The following PRG4 variants were observed in gnomAD, a reference collection of about 807,000 sequenced individuals.
The protein encoded by PRG4 is articular superficial zone protein.
In PRG4, 61 loss-of-function variants were observed where a neutral mutation model predicts 91.2. That is an observed-to-expected ratio of 0.67 (90% CI 0.54 to 0.83). PRG4 has a LOEUF of 0.83. Ranked by LOEUF, PRG4 falls within the 40% of genes least tolerant of loss-of-function variation. The pLI is 0.00. For synonymous variants in PRG4, 576 were observed against 614.2 expected (o/e 0.94, Z 0.92); for missense variants, 1,564 against 1,714.2 (o/e 0.91, Z 1.55).
In PRG4 at chr1:186,297,961, C is replaced by T. The variant is rs560656990; in HGVS notation, c.76+1010C>T. Among the ~76,000 whole-genome samples the T allele has an allele frequency of 1.4e-4, 21 of 152,322 alleles. No homozygotes were observed. In the South Asian group the frequency reaches 2.5e-3, roughly 18 times the overall value. ...GTATCTCCAGACCCTTCGGCTTTCT[C>T]GTAACACTATGACAAGGTTCACAAC... On this transcript the variant is annotated intron_variant, in intron 2 of 12. Coordinates refer to ENST00000445192, the MANE Select transcript of PRG4 (RefSeq NM_005807.6).
rs1462976525 is a variant in PRG4, at chr1:186,308,970, A to G, written c.3251A>G (p.Asn1084Ser). The G allele has an allele frequency of 6.2e-7, 1 of 1,606,646 alleles. No individual in the cohort carries two copies. The highest frequency in any genetic ancestry group is 1.7e-5 in the Admixed American group (1 of 58,762). ...QTTTRPNQTP[N>S]SKLVEVNPKS... is the part of the protein sequence containing the mutation. Reference sequence around the variant, plus strand: ...ACCACCAGACCTAACCAAACTCCAAACTCCAAACTAGTTGAAGTAAATCCA... The same window carrying G: ...ACCACCAGACCTAACCAAACTCCAAGCTCCAAACTAGTTGAAGTAAATCCA... The change falls in exon 7 of 13, where the codon AAC becomes AGC. Residue 1084 changes from asparagine (N) to serine (S), a missense_variant. Physicochemically the swap from Asn to Ser is conservative, Grantham distance 46. Around this residue, in one of 3 missense-constraint regions of PRG4, gnomAD observed 1,079 missense variants for 1,162.2 expected, o/e 0.93. Transcript: ENST00000445192.
chr1:186,300,130 C>G lies in PRG4; in HGVS notation c.116C>G (p.Ser39Cys). 6.2e-7 allele frequency: 1 copy of G among 1,613,910 alleles called. No homozygotes were observed. The highest frequency in any genetic ancestry group is 8.5e-7 in the Non-Finnish European group (1 of 1,179,780). The change falls in exon 3 of 13, where the codon TCT (serine) becomes TGT (cysteine). Residue 39 changes from serine (S) to cysteine (C), a missense_variant. Ser to Cys is a moderately radical substitution (Grantham distance 112). This residue lies in a region of PRG4 where 437 missense variants were observed against 459.0 expected (regional missense o/e 0.95). Transcript: ENST00000445192. ...GCAGGGAGATGTGGGGAAGGGTATT[C>G]TAGAGATGCCACCTGCAACTGTGAT... ...SCAGRCGEGY[S>C]RDATCNCDYN...
chr1:186,306,324 A>T lies in PRG4; in HGVS notation c.605A>T (p.Asp202Val), dbSNP rs767961321. The T allele has an allele frequency of 4.4e-6, 7 of 1,584,166 alleles. No homozygotes were observed. The highest frequency in any genetic ancestry group is 5.1e-6 in the Non-Finnish European group (6 of 1,168,372). ...ATGTATATTTTTTCTCCAGTAAAAG[A>T]TAACAAGAAGAACAGAACTAAAAAG... is the stretch of plus-strand genomic sequence containing the variant. Reference protein sequence around the residue: ...RELQKKLKVKDNKKNRTKKKP... With the variant: ...RELQKKLKVKVNKKNRTKKKP... Residue 202 changes from aspartate to valine, a missense_variant, in exon 7 of 13, where the codon GAT (aspartate) becomes GTT (valine). Physicochemically the swap from Asp to Val is radical, Grantham distance 152 (BLOSUM62 -3). Around this residue, in one of 3 missense-constraint regions of PRG4, gnomAD observed 437 missense variants for 459.0 expected, o/e 0.95. Coordinates refer to ENST00000445192, the MANE Select transcript of PRG4 (RefSeq NM_005807.6).
intron 4 of PRG4, among the ~76,000 whole-genome samples, chr1:186,302,913 C>T (rs780331662): frequency 3.3e-5 from 5 of 151,864 alleles, no homozygotes; most frequent in South Asian, 2.1e-4. Context: ...GGTCAGATTA[C>T]CTAAAGTTTA....
chr1:186,308,313 A>G lies in PRG4; in HGVS notation c.2594A>G (p.Glu865Gly). The change falls in exon 7 of 13, where the codon GAG (glutamate) becomes GGG (glycine). Residue 865 changes from glutamate to glycine, a missense_variant. Physicochemically the swap from Glu to Gly is moderately conservative, Grantham distance 98. Transcript: ENST00000445192. ...SEVSTPTTTK[E>G]PTTIHKSPDE... ...GTCTCTACTCCAACTACCACCAAGG[A>G]GCCTACCACTATCCACAAAAGCCCT... 6.2e-7 allele frequency: 1 copy of G among 1,614,014 alleles called. No homozygotes were observed. The highest frequency in any genetic ancestry group is 1.6e-4 in the Middle Eastern group (1 of 6,062).
In PRG4 at chr1:186,308,437, G is replaced by T; in HGVS notation, c.2718G>T (p.Ala906=). Residue 906 remains alanine (A), a synonymous_variant, in exon 7 of 13, where the codon GCG becomes GCT. Transcript: ENST00000445192. ...TACCTACAACTAAGACTCCTGCAGC[G>T]ACTAAACCTGAAATGACTACAACAG... ...PGVPTTKTPA[A]TKPEMTTTAK... 1 of 1,613,876 alleles carries T rather than the reference G, an allele frequency of 6.2e-7. No individual in the cohort carries two copies. The highest frequency in any genetic ancestry group is 8.5e-7 in the Non-Finnish European group (1 of 1,180,026).
rs747996260 is a variant in PRG4 at position 186,308,297 on chromosome 1, C to A, written c.2578C>A (p.Pro860Thr). ...PPPTTSEVST[P>T]TTTKEPTTIH... ...TCCAACCACTTCAGAGGTCTCTACT[C>A]CAACTACCACCAAGGAGCCTACCAC... The change falls in exon 7 of 13, where the codon CCA becomes ACA. Residue 860 changes from proline (P) to threonine (T), a missense_variant. Pro to Thr is a conservative substitution (Grantham distance 38). Transcript: ENST00000445192. 3 of 1,614,000 alleles carry A rather than the reference C, an allele frequency of 1.9e-6. No homozygotes were observed. The highest frequency in any genetic ancestry group is 2.5e-6 in the Non-Finnish European group (3 of 1,180,026).
Position 186,308,349 on chromosome 1 carries a change from C to A in PRG4, c.2630C>A (p.Thr877Asn). Residue 877 changes from threonine to asparagine, a missense_variant, in exon 7 of 13, where the codon ACT becomes AAT. Coordinates refer to ENST00000445192, the MANE Select transcript of PRG4 (RefSeq NM_005807.6). Reference sequence around the variant, plus strand: ...ATCCACAAAAGCCCTGATGAATCAACTCCTGAGCTTTCTGCAGAACCCACA... The same window carrying A: ...ATCCACAAAAGCCCTGATGAATCAAATCCTGAGCTTTCTGCAGAACCCACA... ...TTIHKSPDES[T>N]PELSAEPTPK... 1 of 1,614,022 alleles carries A rather than the reference C, an allele frequency of 6.2e-7. No individual in the cohort carries two copies. The highest frequency in any genetic ancestry group is 8.5e-7 in the Non-Finnish European group (1 of 1,180,052).
intron 8 of PRG4, among the ~76,000 whole-genome samples, chr1:186,310,675 T>G (rs1404797328): frequency 6.7e-6 from 1 of 150,142 alleles, no homozygotes; most frequent in Middle Eastern, 3.2e-3. Flanking sequence ...TTGTATTTTT[T>G]TTTTTTTGTA....
Position 186,313,952 on chromosome 1 carries a change from G to T in PRG4, c.*174G>T. Reference sequence around the variant, plus strand: ...AGATTTGATAATCTTATTCACAGTTGTTATTGTTTACAGACCATTTAATTA... The same window carrying T: ...AGATTTGATAATCTTATTCACAGTTTTTATTGTTTACAGACCATTTAATTA... On this transcript the variant is annotated 3_prime_UTR_variant, in exon 13 of 13. Coordinates refer to ENST00000445192, the MANE Select transcript of PRG4 (RefSeq NM_005807.6). 1 of 1,609,052 alleles carries T rather than the reference G, an allele frequency of 6.2e-7. No individual in the cohort carries two copies. Among genetic ancestry groups the T allele is most frequent in the Non-Finnish European group, 8.5e-7 (1 of 1,176,710 alleles).
intron 8 of PRG4, 26 bp from the exon 9 acceptor site, chr1:186,311,008 G>C (rs778432379): frequency 1.2e-6 from 2 of 1,613,098 alleles, no homozygotes; most frequent in Admixed American, 3.3e-5. Flanking sequence ...TCAGCTTGTA[G>C]GCTGATGTCT....
intron 4 of PRG4, 60 bp downstream of exon 4, chr1:186,301,771 AG>A: frequency 6.4e-7 from 1 of 1,564,488 alleles, no homozygotes; most frequent in Non-Finnish European, 8.8e-7. Flanking sequence ...CACCTACCTT[AG>A]CATCACTGAT....
Position 186,306,398 on chromosome 1 carries a change from G to T in PRG4, c.679G>T (p.Asp227Tyr). The change falls in exon 7 of 13, where the codon GAC (aspartate) becomes TAC (tyrosine). Residue 227 changes from aspartate (D) to tyrosine (Y), a missense_variant. Around this residue, in one of 3 missense-constraint regions of PRG4, gnomAD observed 437 missense variants for 459.0 expected, o/e 0.95. Coordinates refer to ENST00000445192, the MANE Select transcript of PRG4 (RefSeq NM_005807.6). ...TGTAGATGAAGCTGGAAGTGGATTG[G>T]ACAATGGTGACTTCAAGGTCACAAC... is the stretch of plus-strand genomic sequence containing the variant. ...PVVDEAGSGL[D>Y]NGDFKVTTPD... The T allele has an allele frequency of 6.2e-7, 1 of 1,613,192 alleles. No homozygotes were observed. Among genetic ancestry groups the T allele is most frequent in the Non-Finnish European group, 8.5e-7 (1 of 1,179,430 alleles).
At chr1:186,300,397 G>A (rs778132885) in intron 3 of PRG4, among the ~76,000 whole-genome samples, 184 bp downstream of exon 3, 8 of 152,184 alleles carry the variant, frequency 5.3e-5, no homozygotes, top group Admixed American at 2.6e-4. Flanking sequence ...ATGTTGCAGC[G>A]CATTGTACCT....
chr1:186,296,444 G>T (rs529124106), intron 1 of PRG4, among the ~76,000 whole-genome samples, 151 bp downstream of exon 1: 20 of 152,266 alleles, frequency 1.3e-4, no homozygotes, highest in African/African-American at 4.8e-4. Context: ...TTTATATTGA[G>T]AATTAAGAAA....
In PRG4 at chr1:186,308,155, C is replaced by T. The variant is rs542986944; in HGVS notation, c.2436C>T (p.Ser812=). The part of the protein sequence containing the change: ...LAPTTTKGPT[S]TTSDKPAPTT... ...CCACCACCACCAAGGGGCCCACATC[C>T]ACCACCTCTGACAAGCCTGCTCCAA... The change falls in exon 7 of 13, where the codon TCC becomes TCT. Residue 812 remains serine, a synonymous_variant. Coordinates refer to ENST00000445192, the MANE Select transcript of PRG4 (RefSeq NM_005807.6). 5.0e-6 allele frequency: 8 copies of T among 1,609,014 alleles called. No homozygotes were observed. The African/African-American group carries it at 9.4e-5, about 19-fold the overall frequency.
chr1:186,312,397 A>G, intron 11 of PRG4, 25 bp downstream of exon 11: 1 of 1,585,906 alleles, frequency 6.3e-7, no homozygotes. Flanking sequence ...GTGTTAAAAA[A>G]ATCCTTAAAC....
At chr1:186,311,942 T>C (rs2102037904) in intron 10 of PRG4, 1 of 545,954 alleles carries the variant, frequency 1.8e-6, no homozygotes, top group Admixed American at 3.2e-5. Flanking sequence ...TCACTTTCAA[T>C]TGAAATTAAA....
rs1371203706 is a variant in PRG4 at position 186,312,328 on chromosome 1, T to C, written c.3947T>C (p.Ile1316Thr). ...RAIGPSQTHT[I>T]RIQYSPARLA... ...ATAGGACCTTCTCAAACACACACCA[T>C]CAGAATTCAATATTCACCTGCCAGA... is the stretch of plus-strand genomic sequence containing the variant. The change falls in exon 11 of 13, where the codon ATC becomes ACC. Residue 1316 changes from isoleucine (I) to threonine (T), a missense_variant. Around this residue, in one of 3 missense-constraint regions of PRG4, gnomAD observed 1,079 missense variants for 1,162.2 expected, o/e 0.93. Transcript: ENST00000445192. 5.0e-6 allele frequency: 8 copies of C among 1,610,384 alleles called. No individual in the cohort carries two copies. In the South Asian group the frequency reaches 7.8e-5, roughly 16 times the overall value.
Sources: gnomAD v4.1 joint callset for allele counts (sites outside exome capture counted in the v4.1 genomes callset) on GRCh38, gnomAD v4.1.1 for gene constraint, gnomAD v4.1.1 regional missense constraint, MANE v1.5 for transcripts, NCBI Gene and HGNC (gene_info 2026-07-23, HGNC 2026-07-21) for gene names.